DLGAP1: variants seen among roughly 807,000 people sequenced by gnomAD.
DLGAP1 encodes DLG associated protein 1.
A neutral mutation model predicts 90.8 loss-of-function variants in DLGAP1; 11 were observed. The observed-to-expected ratio is 0.12, with a 90% CI of 0.08 to 0.20. The LOEUF (loss-of-function observed/expected upper bound fraction) is 0.20, where lower values mean the gene tolerates loss of function less well. DLGAP1 is among the 10% of genes least tolerant of loss of function. DLGAP1 has a pLI of 1.00. For synonymous variants in DLGAP1, 558 were observed against 540.7 expected (o/e 1.03, Z -0.44); for missense variants, 1,050 against 1,333.8 (o/e 0.79, Z 3.31).
At chr18:3,962,744 T>C (rs767988632) in intron 3 of DLGAP1, among the ~76,000 whole-genome samples, 5 of 152,232 alleles carry the variant, frequency 3.3e-5, no homozygotes, top group Non-Finnish European at 5.9e-5. Flanking sequence ...GCATTTTGCT[T>C]TGGACTGACA....
At chr18:3,637,871 A>G (rs1200133347) in intron 7 of DLGAP1, among the ~76,000 whole-genome samples, 1 of 151,426 alleles carries the variant, frequency 6.6e-6, no homozygotes, top group East Asian at 1.9e-4. Context: ...TTTCTTTGGC[A>G]CCTAATGTAT....
At chr18:4,008,572 C>T (rs2074352700) in intron 2 of DLGAP1, among the ~76,000 whole-genome samples, 1 of 152,116 alleles carries the variant, frequency 6.6e-6, no homozygotes, top group South Asian at 2.1e-4. Flanking sequence ...GAAATCACAT[C>T]TGTCTAAAAA....
intron 4 of DLGAP1, among the ~76,000 whole-genome samples, chr18:3,863,641 G>C (rs146445294): frequency 6.6e-6 from 1 of 152,270 alleles, no homozygotes; most frequent in Non-Finnish European, 1.5e-5. Flanking sequence ...TTGCTGACTG[G>C]TACTGATGCT....
chr18:3,875,727 C>T (rs1050454732), intron 4 of DLGAP1, among the ~76,000 whole-genome samples: 2 of 152,176 alleles, frequency 1.3e-5, no homozygotes, highest in Non-Finnish European at 2.9e-5. Context: ...AGTCCTGGGA[C>T]TTCCAATTCT....
chr18:3,848,571 G>A (rs1017897999), intron 4 of DLGAP1, among the ~76,000 whole-genome samples: 1 of 151,846 alleles, frequency 6.6e-6, no homozygotes, highest in African/African-American at 2.4e-5. Flanking sequence ...AAACTCTCCC[G>A]CCCCCATCTC....
intron 3 of DLGAP1, among the ~76,000 whole-genome samples, chr18:3,951,063 C>G (rs2072975670): frequency 6.6e-6 from 1 of 152,162 alleles, no homozygotes; most frequent in South Asian, 2.1e-4. Flanking sequence ...TTTAAAAAGT[C>G]AATGTTTTGG....
chr18:4,053,364 G>A (rs2075164332), intron 2 of DLGAP1, among the ~76,000 whole-genome samples: 1 of 152,126 alleles, frequency 6.6e-6, no homozygotes, highest in Non-Finnish European at 1.5e-5. Context: ...TAACCATCAG[G>A]TCTTGTGAGA....
intron 1 of DLGAP1, among the ~76,000 whole-genome samples, chr18:4,180,345 T>C (rs770100462): frequency 1.2e-4 from 18 of 152,070 alleles, no homozygotes; most frequent in Non-Finnish European, 2.5e-4. Context: ...CTTTACTACT[T>C]TTACTCAGTC....
intron 1 of DLGAP1, among the ~76,000 whole-genome samples, chr18:4,174,279 C>A (rs1363869909): frequency 6.6e-6 from 1 of 152,128 alleles, no homozygotes; most frequent in East Asian, 1.9e-4. Flanking sequence ...ATAACACCTG[C>A]CCTGAGCTGC....
At chr18:3,918,225 A>T (rs1213984482) in intron 3 of DLGAP1, among the ~76,000 whole-genome samples, 1 of 152,214 alleles carries the variant, frequency 6.6e-6, no homozygotes, top group African/African-American at 2.4e-5. Context: ...TAGTGGACCA[A>T]ATATGCTTTG....
intron 7 of DLGAP1, among the ~76,000 whole-genome samples, chr18:3,723,522 T>C (rs2062049965): frequency 6.6e-6 from 1 of 152,154 alleles, no homozygotes; most frequent in South Asian, 2.1e-4. Flanking sequence ...AATTACAAAT[T>C]ATTATCTTAA....
At chr18:4,199,171 C>T (rs73371065) in intron 1 of DLGAP1, among the ~76,000 whole-genome samples, 30,119 of 152,100 alleles carry the variant, frequency 0.2, 3,170 homozygotes, top group African/African-American at 0.27. Context: ...CTCGGGGAGC[C>T]AGCAGAGAAG....
chr18:4,032,857 T>G (rs2074820237), intron 2 of DLGAP1, among the ~76,000 whole-genome samples: 1 of 152,214 alleles, frequency 6.6e-6, no homozygotes, highest in Non-Finnish European at 1.5e-5. Flanking sequence ...CTCTGTAAGC[T>G]TCTTGATGAT....
intron 1 of DLGAP1, among the ~76,000 whole-genome samples, chr18:4,238,041 C>T (rs1198026938): frequency 6.6e-6 from 1 of 152,116 alleles, no homozygotes; most frequent in African/African-American, 2.4e-5. Flanking sequence ...CCATAATGCT[C>T]CAGTAAGCAT....
chr18:4,063,244 C>A lies in DLGAP1; in HGVS notation c.-158-58043G>T, dbSNP rs903182138. On this transcript the variant is annotated intron_variant, in intron 2 of 12. Coordinates refer to ENST00000315677, the MANE Select transcript of DLGAP1 (RefSeq NM_004746.4). ...CTGAAGCAATGTTACACATATTCTC[C>A]TATCAATATATTCAATATTGGAGTT... is the stretch of plus-strand genomic sequence containing the variant. Among the ~76,000 whole-genome samples the A allele has an allele frequency of 2.0e-5, 3 of 152,038 alleles. No individual in the cohort carries two copies. In the South Asian group the frequency reaches 6.2e-4, roughly 32 times the overall value.
intron 3 of DLGAP1, among the ~76,000 whole-genome samples, chr18:3,915,606 G>T (rs2072125047): frequency 1.3e-5 from 2 of 152,164 alleles, no homozygotes; most frequent in African/African-American, 4.8e-5. Context: ...AGGGTTTTAA[G>T]ATCAATTAAA....
intron 1 of DLGAP1, among the ~76,000 whole-genome samples, chr18:4,286,407 A>G (rs1205684777): frequency 6.6e-6 from 1 of 152,090 alleles, no homozygotes; most frequent in African/African-American, 2.4e-5. Flanking sequence ...TCAGGGCACA[A>G]GCAGTGAAAA....
intron 4 of DLGAP1, chr18:3,845,305 G>A (rs777237207): frequency 6.2e-7 from 1 of 1,610,156 alleles, no homozygotes; most frequent in Non-Finnish European, 8.5e-7. Context: ...CTTTGATTTG[G>A]TATAGTGCAG....
chr18:3,923,131 C>T lies in DLGAP1; in HGVS notation c.-72-42991G>A, dbSNP rs1286525089. ...CCTGGGCGACAGAGAGAGAACCTGT[C>T]TCAAAAAAAAAAAAAAAAAAAAAAG... is the stretch of plus-strand genomic sequence containing the variant. On this transcript the variant is annotated intron_variant, in intron 3 of 12. Coordinates refer to ENST00000315677, the MANE Select transcript of DLGAP1 (RefSeq NM_004746.4). 5.6e-4 allele frequency among the ~76,000 whole-genome samples: 22 copies of T among 39,372 alleles called. No individual in the cohort carries two copies. The Admixed American group carries it at 0.011, about 20-fold the overall frequency. 25.8% of individuals were successfully genotyped at this position (39,372 alleles called of 152,430 possible).
Sources: gnomAD v4.1 joint callset for allele counts (sites outside exome capture counted in the v4.1 genomes callset) on GRCh38, gnomAD v4.1.1 for gene constraint, MANE v1.5 for transcripts, NCBI Gene and HGNC (gene_info 2026-07-23, HGNC 2026-07-21) for gene names.